Variants in PRR5 observed in about 807,000 individuals in gnomAD.
The protein encoded by PRR5 is proline-rich protein 5.
PRR5 carries 25 observed loss-of-function variants against 30.6 expected under a neutral mutation model. The ratio of observed to expected loss-of-function variants is 0.82; its 90% CI spans 0.60 to 1.14. The LOEUF (loss-of-function observed/expected upper bound fraction) is 1.14, where lower values mean the gene tolerates loss of function less well. Among genes scored for constraint, PRR5 ranks in the 50% most tolerant of loss-of-function variants. The pLI, the probability that PRR5 is intolerant of heterozygous loss-of-function variation, is 0.00. For synonymous variants in PRR5, 286 were observed against 247.1 expected (o/e 1.16, Z -1.48); for missense variants, 600 against 547.1 (o/e 1.10, Z -0.96).
At chr22:44,697,262 G>A (rs1025766487), upstream of PRR5, among the ~76,000 whole-genome samples, 1 of 152,192 alleles carries the variant, frequency 6.6e-6, no homozygotes, top group Admixed American at 6.5e-5. Flanking sequence ...CTCCCCCAGC[G>A]TGGTGGCCCT....
chr22:44,678,103 G>A (rs1478051221), intron 1 of PRR5, among the ~76,000 whole-genome samples: 5 of 152,158 alleles, frequency 3.3e-5, no homozygotes, highest in Non-Finnish European at 7.4e-5. Context: ...GAGAGGGAGC[G>A]GGCTGCATGC....
At chr22:44,728,869 C>T (rs1445519079) in intron 4 of PRR5, among the ~76,000 whole-genome samples, 1 of 152,184 alleles carries the variant, frequency 6.6e-6, no homozygotes, top group Non-Finnish European at 1.5e-5. Context: ...GGACTTCAGC[C>T]CCTGGGCAGA....
At chr22:44,733,282 G>C (rs544029131) in intron 6 of PRR5, among the ~76,000 whole-genome samples, 1 of 152,348 alleles carries the variant, frequency 6.6e-6, no homozygotes, top group African/African-American at 2.4e-5. Context: ...TCATCACACT[G>C]TCGCAGGACC....
At chr22:44,686,601 C>T (rs777542332) in intron 1 of PRR5, among the ~76,000 whole-genome samples, 5 of 152,002 alleles carry the variant, frequency 3.3e-5, no homozygotes, top group Non-Finnish European at 7.4e-5. Context: ...CTGCAACCTC[C>T]ACCTCCCAGC....
intron 1 of PRR5, among the ~76,000 whole-genome samples, chr22:44,684,278 T>C (rs1471559432): frequency 6.6e-6 from 1 of 152,108 alleles, no homozygotes; most frequent in Non-Finnish European, 1.5e-5. Flanking sequence ...CGCGGTGGCT[T>C]ATACCTGTAA....
chr22:44,729,431 C>T, intron 4 of PRR5: 1 of 985,398 alleles, frequency 1.0e-6, no homozygotes, highest in Non-Finnish European at 1.2e-6. Context: ...TGCGGGGCCG[C>T]TCGCCTGCAT....
chr22:44,736,381 C>G (rs1197476631), intron 7 of PRR5, among the ~76,000 whole-genome samples: 4 of 152,226 alleles, frequency 2.6e-5, no homozygotes, highest in Non-Finnish European at 4.4e-5. Context: ...GACACCAGCT[C>G]CAGTGGGGCA....
chr22:44,730,515 G>C (rs1323663725), intron 4 of PRR5: 2 of 989,986 alleles, frequency 2.0e-6, no homozygotes, highest in African/African-American at 3.5e-5. Flanking sequence ...GTCCCACAAG[G>C]GTCACTCACC....
chr22:44,698,942 G>C (rs1054179471), upstream of PRR5, among the ~76,000 whole-genome samples: 2 of 152,140 alleles, frequency 1.3e-5, no homozygotes, highest in Admixed American at 6.5e-5. Flanking sequence ...CCCCGCAGCT[G>C]TGCCCTCTCT....
upstream of PRR5, among the ~76,000 whole-genome samples, chr22:44,698,698 T>TGATG (rs1925984818): frequency 6.6e-6 from 1 of 152,224 alleles, no homozygotes; most frequent in Non-Finnish European, 1.5e-5. Flanking sequence ...GACTGTCACC[T>TGATG]GATGCTTCAG....
At chr22:44,698,140 G>A (rs1232880797), upstream of PRR5, among the ~76,000 whole-genome samples, 2 of 152,126 alleles carry the variant, frequency 1.3e-5, no homozygotes, top group Non-Finnish European at 2.9e-5. Context: ...AGGATATCAG[G>A]GTCCCCCTTG....
chr22:44,708,535 C>T (rs913590933), intron 1 of PRR5, among the ~76,000 whole-genome samples: 6 of 152,182 alleles, frequency 3.9e-5, no homozygotes, highest in Non-Finnish European at 7.3e-5. Context: ...CCAGCAACAC[C>T]GTGCTCCCCA....
chr22:44,733,394 A>G (rs1569112742), intron 6 of PRR5, among the ~76,000 whole-genome samples: 1 of 152,262 alleles, frequency 6.6e-6, no homozygotes, highest in Non-Finnish European at 1.5e-5. Flanking sequence ...CGGCTCTCGC[A>G]GGTGCAAAGC....
chr22:44,721,679 C>G lies in PRR5; in HGVS notation c.216-3565C>G, dbSNP rs141388852. 4.3e-3 allele frequency among the ~76,000 whole-genome samples: 653 copies of G among 152,288 alleles called. 14 individuals are homozygous for G. Among genetic ancestry groups the G allele is most frequent in the East Asian group, 0.037 (191 of 5,180 alleles). On this transcript the variant is annotated intron_variant, in intron 2 of 7. Transcript: ENST00000336985. ...TGAATTGGCCTTAGATTCCCTGCCT[C>G]CAGACCCTACTCTCCTGCCTCACCT...
intron 7 of PRR5, 91 bp from the exon 8 acceptor site, chr22:44,736,681 A>G: frequency 6.7e-7 from 1 of 1,483,110 alleles, no homozygotes; most frequent in Non-Finnish European, 8.9e-7. Context: ...CTGCCCCTGC[A>G]CAGGGACCCA....
upstream of PRR5, among the ~76,000 whole-genome samples, chr22:44,673,819 G>C (rs868374528): frequency 6.6e-6 from 1 of 152,194 alleles, no homozygotes; most frequent in Non-Finnish European, 1.5e-5. Context: ...ACCTATGGCT[G>C]GGAGAGGGTG....
rs117419300 is a variant in PRR5, at chr22:44,735,249, G to A, written c.691+87G>A. 1,558 of 1,429,648 alleles carry A rather than the reference G, an allele frequency of 1.1e-3. 23 individuals are homozygous for A. In the East Asian group the frequency reaches 0.017, roughly 15 times the overall value. The allele number at this position is 1,429,648 out of a possible 1,614,324, so 88.6% of individuals were successfully genotyped here. ...ACAAATGGGCAAGCCGAGGCCCCAC[G>A]ACAGAACCAGGATCTGACTCCAGAC... On this transcript the variant is annotated intron_variant, in intron 7 of 7. Coordinates refer to ENST00000336985, the MANE Select transcript of PRR5 (RefSeq NM_181333.4).
intron 2 of PRR5, among the ~76,000 whole-genome samples, chr22:44,715,976 G>T (rs538458733): frequency 6.6e-6 from 1 of 152,294 alleles, no homozygotes; most frequent in Non-Finnish European, 1.5e-5. Flanking sequence ...ACAACAAAAG[G>T]AGTTACTGTT....
At chr22:44,677,248 C>T (rs1036647373) in intron 1 of PRR5, 1 of 152,408 alleles carries the variant, frequency 6.6e-6, no homozygotes, top group Non-Finnish European at 1.5e-5. Flanking sequence ...AAGGTAGGCA[C>T]TCTTTGCGTC....
Sources: gnomAD v4.1 joint callset for allele counts (sites outside exome capture counted in the v4.1 genomes callset) on GRCh38, gnomAD v4.1.1 for gene constraint, MANE v1.5 for transcripts, NCBI Gene and HGNC (gene_info 2026-07-23, HGNC 2026-07-21) for gene names.